The following HS6ST3 variants were observed in gnomAD, a reference collection of about 807,000 sequenced individuals.
HS6ST3 encodes the protein heparan-sulfate 6-O-sulfotransferase 3.
In HS6ST3, 12 loss-of-function variants were observed where a neutral mutation model predicts 36.7. The ratio of observed to expected loss-of-function variants is 0.33; its 90% confidence interval spans 0.21 to 0.53. The LOEUF (loss-of-function observed/expected upper bound fraction) is 0.53. HS6ST3 is among the 20% of genes least tolerant of loss of function. The pLI is 0.95. For missense variants in HS6ST3, 584 were observed against 640.9 expected, an observed-to-expected ratio of 0.91 and a Z score of 0.96; for synonymous variants, 240 against 257.5, an observed-to-expected ratio of 0.93 and a Z score of 0.65.
At chr13:96,326,546 A>T (rs888185822) in intron 1 of HS6ST3, among the ~76,000 whole-genome samples, 2 of 151,998 alleles carry the variant, frequency 1.3e-5, no homozygotes, top group African/African-American at 4.8e-5. Context: ...TATGGTGTAT[A>T]TGTGCCACAT....
intron 1 of HS6ST3, among the ~76,000 whole-genome samples, chr13:96,162,408 C>T (rs1410061244): frequency 6.6e-6 from 1 of 152,182 alleles, no homozygotes. Context: ...TAGGCGACAG[C>T]GCCACTGAAT....
At chr13:96,312,951 C>CAA (rs754098470) in intron 1 of HS6ST3, among the ~76,000 whole-genome samples, 7,083 of 80,450 alleles carry the variant, frequency 0.088, 566 homozygotes, top group African/African-American at 0.18. Flanking sequence ...GACCCTGTCT[C>CAA]AAAAAAAAAA....
intron 1 of HS6ST3, among the ~76,000 whole-genome samples, chr13:96,767,137 A>G (rs930061434): frequency 1.3e-5 from 2 of 152,218 alleles, no homozygotes; most frequent in African/African-American, 4.8e-5. Flanking sequence ...TCAAAATCCT[A>G]TCCGTGATCT....
chr13:96,811,138 G>T (rs1878309110), intron 1 of HS6ST3, among the ~76,000 whole-genome samples: 1 of 152,138 alleles, frequency 6.6e-6, no homozygotes, highest in Admixed American at 6.6e-5. Context: ...CATTTTTACT[G>T]ATGTAAAACC....
In HS6ST3 at chr13:96,090,355, T is replaced by TGCCCGCGGCCGGCCGGGGCGGC. The variant is rs1196365967; in HGVS notation, c.-506_-485dup. On this transcript the variant is annotated 5_prime_UTR_variant, in exon 1 of 2. Transcript: ENST00000376705. ...CGCCGGGCGCGCGTGCCGGGCGCGG[T>TGCCCGCGGCCGGCCGGGGCGGC]GCCCGCGGCCGGCCGGGGCGGCGGG... Among the ~76,000 whole-genome samples, 3 of 146,018 alleles carry TGCCCGCGGCCGGCCGGGGCGGC rather than the reference T, an allele frequency of 2.1e-5. No individual in the cohort carries two copies. The highest frequency in any genetic ancestry group is 1.4e-4 in the Admixed American group (2 of 14,740).
At chr13:96,359,359 G>C (rs1456024308) in intron 1 of HS6ST3, among the ~76,000 whole-genome samples, 4 of 152,140 alleles carry the variant, frequency 2.6e-5, no homozygotes, top group African/African-American at 9.7e-5. Context: ...CATCATAAAA[G>C]ATGTTTGCTT....
chr13:96,795,522 T>C (rs1390980866), intron 1 of HS6ST3, among the ~76,000 whole-genome samples: 1 of 152,096 alleles, frequency 6.6e-6, no homozygotes, highest in Non-Finnish European at 1.5e-5. Context: ...AACCTCATTC[T>C]CTTAAATGCT....
intron 1 of HS6ST3, among the ~76,000 whole-genome samples, chr13:96,526,238 T>G (rs2056114089): frequency 6.6e-6 from 1 of 152,170 alleles, no homozygotes; most frequent in African/African-American, 2.4e-5. Flanking sequence ...CCAATCACAG[T>G]GAACCTATGT....
intron 1 of HS6ST3, among the ~76,000 whole-genome samples, chr13:96,651,422 A>G (rs506849): frequency 0.99 from 150,599 of 152,044 alleles, 74,595 homozygotes; most frequent in Middle Eastern, 1. Context: ...ATCTAGACTC[A>G]GCGGGGCACC....
At chr13:96,588,893 T>C (rs1285873032) in intron 1 of HS6ST3, among the ~76,000 whole-genome samples, 1 of 151,760 alleles carries the variant, frequency 6.6e-6, no homozygotes, top group East Asian at 1.9e-4. Context: ...CTACTAAAAG[T>C]ACAAAAAATT....
rs537394836 is a variant in HS6ST3 at position 96,096,328 on chromosome 13, G to C, written c.707+4759G>C. On this transcript the variant is annotated intron_variant, in intron 1 of 1. Transcript: ENST00000376705. ...AATAAAATTTATAACTGTCTAAAAAGAGCATGAACTCTGTGATGCTCACTC... is the reference window on the plus strand; with the variant it reads ...AATAAAATTTATAACTGTCTAAAAACAGCATGAACTCTGTGATGCTCACTC... Among the ~76,000 whole-genome samples, 5 of 152,260 alleles carry C rather than the reference G, an allele frequency of 3.3e-5. No individual in the cohort carries two copies. In the South Asian group the frequency reaches 1.0e-3, roughly 32 times the overall value.
intron 1 of HS6ST3, among the ~76,000 whole-genome samples, chr13:96,179,254 G>A (rs1326659647): frequency 6.6e-6 from 1 of 152,158 alleles, no homozygotes; most frequent in East Asian, 1.9e-4. Context: ...TTTAATATAG[G>A]TTCTGTTACC....
At chr13:96,447,639 C>T (rs2055705716) in intron 1 of HS6ST3, among the ~76,000 whole-genome samples, 1 of 152,038 alleles carries the variant, frequency 6.6e-6, no homozygotes, top group Non-Finnish European at 1.5e-5. Flanking sequence ...TGTAGAACAT[C>T]ATGGTGCCCT....
At chr13:96,484,090 T>C (rs1326935864) in intron 1 of HS6ST3, among the ~76,000 whole-genome samples, 1 of 152,068 alleles carries the variant, frequency 6.6e-6, no homozygotes, top group Non-Finnish European at 1.5e-5. Context: ...CTACATTCCA[T>C]TTCATTGATT....
intron 1 of HS6ST3, among the ~76,000 whole-genome samples, chr13:96,668,473 C>T (rs1012162863): frequency 3.9e-5 from 6 of 152,080 alleles, no homozygotes; most frequent in Non-Finnish European, 7.4e-5. Context: ...GACCTGCTGG[C>T]TCACCTGCCC....
At chr13:96,574,556 G>A (rs1235877765) in intron 1 of HS6ST3, 2 of 290,380 alleles carry the variant, frequency 6.9e-6, no homozygotes, top group African/African-American at 2.3e-5. Flanking sequence ...CAATGGCTGT[G>A]ACATCACTGG....
chr13:96,581,271 G>C (rs1288498807), intron 1 of HS6ST3, among the ~76,000 whole-genome samples: 3 of 150,764 alleles, frequency 2.0e-5, no homozygotes, highest in Non-Finnish European at 2.9e-5. Context: ...CCAGGCTGGA[G>C]TGCAGTGGCA....
intron 1 of HS6ST3, among the ~76,000 whole-genome samples, chr13:96,686,212 ATT>A (rs1874773910): frequency 6.6e-6 from 1 of 151,818 alleles, no homozygotes; most frequent in Non-Finnish European, 1.5e-5. Flanking sequence ...CTCTTCACCT[ATT>A]TGTTCAAGCA....
chr13:96,675,649 A>G (rs553622869), intron 1 of HS6ST3, among the ~76,000 whole-genome samples: 1 of 152,296 alleles, frequency 6.6e-6, no homozygotes, highest in East Asian at 1.9e-4. Context: ...TCCAGTTTCA[A>G]AACAATGTAA....
Sources: gnomAD v4.1 joint callset for allele counts (sites outside exome capture counted in the v4.1 genomes callset) on GRCh38, gnomAD v4.1.1 for gene constraint, MANE v1.5 for transcripts, NCBI Gene and HGNC (gene_info 2026-07-23, HGNC 2026-07-21) for gene names.